UBQLN4: variants seen among roughly 807,000 people sequenced by gnomAD.
The protein encoded by UBQLN4 is ubiquilin-4.
A neutral mutation model predicts 60.4 loss-of-function variants in UBQLN4; 11 were observed. That is an observed-to-expected ratio of 0.18 (90% CI 0.11 to 0.30). UBQLN4 has a LOEUF of 0.30. Ranked by LOEUF, UBQLN4 falls within the 10% of genes least tolerant of loss-of-function variation. The pLI is 1.00. For synonymous variants in UBQLN4, 258 were observed against 313.1 expected (o/e 0.82, Z 1.86); for missense variants, 417 against 795.5 (o/e 0.52, Z 5.72).
chr1:156,034,871 A>ATATATATATATAT (rs60215858), downstream of UBQLN4, among the ~76,000 whole-genome samples: 280 of 69,888 alleles, frequency 4.0e-3, no homozygotes, highest in Middle Eastern at 0.019. Flanking sequence ...ATATATATAT[A>ATATATATATATAT]ATTTTTTTTT....
intron 10 of UBQLN4, among the ~76,000 whole-genome samples, chr1:156,037,629 C>T (rs1482754197): frequency 1.3e-5 from 2 of 152,108 alleles, no homozygotes; most frequent in East Asian, 3.9e-4. Flanking sequence ...ACAAACAAAA[C>T]TGTGTAATAA....
At chr1:156,039,719 C>T (rs937059058) in intron 10 of UBQLN4, among the ~76,000 whole-genome samples, 1 of 151,222 alleles carries the variant, frequency 6.6e-6, no homozygotes, top group Non-Finnish European at 1.5e-5. Flanking sequence ...AGGTGGATCA[C>T]GAGGTCAGGC....
rs775659918 is a variant in UBQLN4 at position 156,042,876 on chromosome 1, C to T, written c.1164G>A (p.Gln388=). Residue 388 remains glutamine, a synonymous_variant, in exon 7 of 11, where the codon CAG becomes CAA. Coordinates refer to ENST00000368309, the MANE Select transcript of UBQLN4 (RefSeq NM_020131.5). ...TCAGCTGGGGGTTCTCAGAGATCTG[C>T]TGGAGGAGGGCTTGCATTTCTGGGC... ...FNSPEMQALL[Q]QISENPQLMQ... 2.8e-5 allele frequency: 45 copies of T among 1,614,026 alleles called. No individual in the cohort carries two copies. The highest frequency in any genetic ancestry group is 2.2e-4 in the Admixed American group (13 of 59,996).
At chr1:156,047,535 G>A (rs116455346) in intron 5 of UBQLN4, among the ~76,000 whole-genome samples, 3,615 of 151,394 alleles carry the variant, frequency 0.024, 149 homozygotes, top group African/African-American at 0.084. Flanking sequence ...CAGCCACTGC[G>A]CCTGGCCAAC....
In UBQLN4 at chr1:156,036,228, C is replaced by T; in HGVS notation, c.*750G>A. ...GTGCTTCTGCTCCCCACTGTTAATT[C>T]CAACTTCCAAGCCTTTTACTCAGGC... On this transcript the variant is annotated 3_prime_UTR_variant, in exon 11 of 11. Transcript: ENST00000368309. 1.0e-6 allele frequency: 1 copy of T among 985,608 alleles called. No homozygotes were observed. The highest frequency in any genetic ancestry group is 1.2e-6 in the Non-Finnish European group (1 of 829,968). The allele number at this position is 985,608 out of a possible 1,614,324, so 61.1% of individuals were successfully genotyped here.
intron 7 of UBQLN4, 155 bp downstream of exon 7, chr1:156,042,619 C>T: frequency 2.5e-6 from 3 of 1,216,352 alleles, no homozygotes; most frequent in East Asian, 2.5e-5. Context: ...AACTGGGAGG[C>T]TAAATAACTT....
chr1:156,044,191 C>T lies in UBQLN4; in HGVS notation c.933G>A (p.Gly311=). 6 of 1,571,426 alleles carry T rather than the reference C, an allele frequency of 3.8e-6. No individual in the cohort carries two copies. The highest frequency in any genetic ancestry group is 4.3e-6 in the Non-Finnish European group (5 of 1,157,788). The part of the protein sequence containing the change: ...FGNNPFSSLA[G]NSDSSSSQPL... ...GCTGGGAGGATGAGCTGTCGGAGTT[C>T]CCGGCCAGGGAAGAGAAGGGATTGT... The change falls in exon 6 of 11, where the codon GGG becomes GGA. Residue 311 remains glycine (G), a synonymous_variant. Transcript: ENST00000368309.
At position 156,051,098 on chromosome 1, in the gene UBQLN4, C is replaced by CT; in HGVS notation, c.478+11dup. On this transcript the variant is annotated intron_variant, in intron 3 of 10. Transcript: ENST00000368309. ...CCCAAACAAGATTGTGCTCTCCTCT[C>CT]TGAGGGCTTACAGAGTATGGACGCA... 6.2e-7 allele frequency: 1 copy of CT among 1,612,436 alleles called. No homozygotes were observed. The highest frequency in any genetic ancestry group is 8.5e-7 in the Non-Finnish European group (1 of 1,178,960).
rs773679516 is a variant in UBQLN4 at position 156,051,092 on chromosome 1, TCC to T, written c.478+16_478+17del. The stretch of plus-strand genomic sequence containing the variant: ...CCCAACCCCAAACAAGATTGTGCTC[TCC>T]TCTCTGAGGGCTTACAGAGTATGGA... On this transcript the variant is annotated intron_variant, in intron 3 of 10. Coordinates refer to ENST00000368309, the MANE Select transcript of UBQLN4 (RefSeq NM_020131.5). 1.2e-6 allele frequency: 2 copies of T among 1,610,468 alleles called. No individual in the cohort carries two copies. Among genetic ancestry groups the T allele is most frequent in the Non-Finnish European group, 1.7e-6 (2 of 1,177,486 alleles).
Position 156,050,558 on chromosome 1 carries a change from G to A in UBQLN4, c.479-5C>T, listed in dbSNP as rs1326981486. ...CCAGGATGCCCCCAAAGCCAGCTGTGGGAAGGGGGCAGGGTCACAGTCTGC... is the reference window on the plus strand; with the variant it reads ...CCAGGATGCCCCCAAAGCCAGCTGTAGGAAGGGGGCAGGGTCACAGTCTGC... On this transcript the variant is annotated splice_region_variant and splice_polypyrimidine_tract_variant and intron_variant, in intron 3 of 10. Transcript: ENST00000368309. The surrounding 1 kb of genome is among the most constrained non-coding windows in gnomAD (Gnocchi z 4.6). 1 of 1,605,702 alleles carries A rather than the reference G, an allele frequency of 6.2e-7. No homozygotes were observed. The highest frequency in any genetic ancestry group is 1.7e-5 in the Admixed American group (1 of 59,470).
At chr1:156,040,533 C>A (rs1162240905) in intron 10 of UBQLN4, among the ~76,000 whole-genome samples, 1 of 150,536 alleles carries the variant, frequency 6.6e-6, no homozygotes, top group Non-Finnish European at 1.5e-5. Flanking sequence ...GCAAGCTCCA[C>A]CTCCCGAGTT....
In UBQLN4 at chr1:156,051,993, G is replaced by A. The variant is rs866293931; in HGVS notation, c.109-136C>T. On this transcript the variant is annotated intron_variant, in intron 1 of 10. Transcript: ENST00000368309. ...GGGAAGTCCTTTCTGTAGTCTCGACGCCATTCCTCCAGCTGCAATAAGCAT... is the reference window on the plus strand; with the variant it reads ...GGGAAGTCCTTTCTGTAGTCTCGACACCATTCCTCCAGCTGCAATAAGCAT... The A allele has an allele frequency of 8.3e-5, 87 of 1,044,042 alleles. No homozygotes were observed. The Middle Eastern group carries it at 2.2e-3, about 26-fold the overall frequency. 64.7% of individuals were successfully genotyped at this position (1,044,042 alleles called of 1,614,324 possible).
downstream of UBQLN4, among the ~76,000 whole-genome samples, chr1:156,031,945 TCAC>T (rs1683305643): frequency 6.6e-6 from 1 of 151,830 alleles, no homozygotes; most frequent in South Asian, 2.1e-4. Flanking sequence ...CATGAAATCA[TCAC>T]CACAATGAAG....
chr1:156,041,594 G>C lies in UBQLN4; in HGVS notation c.1544C>G (p.Thr515Ser). 6.2e-7 allele frequency: 1 copy of C among 1,612,830 alleles called. No individual in the cohort carries two copies. The highest frequency in any genetic ancestry group is 8.5e-7 in the Non-Finnish European group (1 of 1,179,464). Residue 515 changes from threonine (T) to serine (S), a missense_variant, in exon 10 of 11, where the codon ACT becomes AGT. Physicochemically the swap from Thr to Ser is moderately conservative, Grantham distance 58. Coordinates refer to ENST00000368309, the MANE Select transcript of UBQLN4 (RefSeq NM_020131.5). ...SNAGSTPEAP[T>S]SSPATPATSS... ...TGTGGCTGGCGTGGCTGGTGAGGAA[G>C]TGGGGGCCTCGGGCGTAGACCCTGC...
downstream of UBQLN4, among the ~76,000 whole-genome samples, chr1:156,034,586 G>A: frequency 6.6e-6 from 1 of 151,464 alleles, no homozygotes; most frequent in Non-Finnish European, 1.5e-5. Context: ...GTGAGCCACT[G>A]TGCCCAGCCT....
rs762567671 is a variant in UBQLN4, at chr1:156,051,384, C to T, written c.261-57G>A. On this transcript the variant is annotated intron_variant, in intron 2 of 10. Transcript: ENST00000368309. ...GTGAGCACTAGAAGAGGGAAGGTAC[C>T]GTGACAATCTCTGTGCTTGCTATGG... 9.4e-5 allele frequency: 144 copies of T among 1,531,032 alleles called. No individual in the cohort carries two copies. In the African/African-American group the frequency reaches 1.8e-3, roughly 19 times the overall value. The allele number at this position is 1,531,032 out of a possible 1,614,324, so 94.8% of individuals were successfully genotyped here. A position where few individuals can be genotyped will look rare whatever the true frequency, so the allele number is the denominator to read the frequency against.
chr1:156,050,528 C>T lies in UBQLN4; in HGVS notation c.504G>A (p.Leu168=). The T allele has an allele frequency of 6.2e-7, 1 of 1,612,624 alleles. No individual in the cohort carries two copies. The highest frequency in any genetic ancestry group is 8.5e-7 in the Non-Finnish European group (1 of 1,179,188). The change falls in exon 4 of 11, where the codon CTG becomes CTA. Residue 168 remains leucine, a synonymous_variant. Transcript: ENST00000368309. The surrounding 1 kb of genome is among the most constrained non-coding windows in gnomAD (Gnocchi z 4.6). ...ILSGFGGILG[L]GSLGLGSANF... The stretch of plus-strand genomic sequence containing the variant: ...TGGCAGAGCCCAGGCCTAGGCTGCC[C>T]AGCCCCAGGATGCCCCCAAAGCCAG...
rs1343145031 is a variant in UBQLN4, at chr1:156,036,593, C to A, written c.*385G>T. 6.0e-6 allele frequency: 6 copies of A among 996,952 alleles called. No homozygotes were observed. The African/African-American group carries it at 8.7e-5, about 14-fold the overall frequency. 61.8% of individuals were successfully genotyped at this position (996,952 alleles called of 1,614,324 possible). A position where few individuals can be genotyped will look rare whatever the true frequency, so the allele number is the denominator to read the frequency against. ...TACCAAAAGTAAACATAAGACAAAA[C>A]CCTAGTGGTATAGATGGAAGACTAT... is the stretch of plus-strand genomic sequence containing the variant. On this transcript the variant is annotated 3_prime_UTR_variant, in exon 11 of 11. Coordinates refer to ENST00000368309, the MANE Select transcript of UBQLN4 (RefSeq NM_020131.5).
Position 156,048,726 on chromosome 1 carries a change from G to C in UBQLN4, c.742-67C>G. 1 of 1,553,942 alleles carries C rather than the reference G, an allele frequency of 6.4e-7. No individual in the cohort carries two copies. The highest frequency in any genetic ancestry group is 8.8e-7 in the Non-Finnish European group (1 of 1,138,766). On this transcript the variant is annotated intron_variant, in intron 4 of 10. Coordinates refer to ENST00000368309, the MANE Select transcript of UBQLN4 (RefSeq NM_020131.5). The surrounding 1 kb of genome is among the most constrained non-coding windows in gnomAD (Gnocchi z 4.9). ...GAGCACCAACCTAGGAAAAGGGTGG[G>C]CCTTGAGGAAGGGGGGTCTGTATCA...
Sources: gnomAD v4.1 joint callset for allele counts (sites outside exome capture counted in the v4.1 genomes callset) on GRCh38, gnomAD v4.1.1 for gene constraint, Gnocchi (gnomAD v3.1) non-coding constraint, MANE v1.5 for transcripts, NCBI Gene and HGNC (gene_info 2026-07-23, HGNC 2026-07-21) for gene names.